Variants in GIGYF2 observed in about 807,000 individuals in gnomAD.
GIGYF2 encodes the protein GRB10 interacting GYF protein 2.
A neutral mutation model predicts 208.1 loss-of-function variants in GIGYF2; 25 were observed. The observed-to-expected ratio is 0.12, with a 90% CI of 0.09 to 0.17. The LOEUF (loss-of-function observed/expected upper bound fraction) is 0.17, where lower values mean the gene tolerates loss of function less well. Ranked by LOEUF, GIGYF2 falls within the 10% of genes least tolerant of loss-of-function variation. The pLI is 1.00. For missense variants in GIGYF2, 1,302 were observed against 1,579.4 expected, an observed-to-expected ratio of 0.82 and a Z score of 2.98; for synonymous variants, 534 against 543.8, an observed-to-expected ratio of 0.98 and a Z score of 0.25.
chr2:232,739,825 C>T (rs184230376), intron 3 of GIGYF2, among the ~76,000 whole-genome samples: 2,255 of 151,068 alleles, frequency 0.015, 25 homozygotes, highest in Middle Eastern at 0.038. Flanking sequence ...TTAGGCCGGG[C>T]GCGGTGGCAC....
At chr2:232,773,687 A>G (rs1031170488) in intron 8 of GIGYF2, among the ~76,000 whole-genome samples, 18 of 152,090 alleles carry the variant, frequency 1.2e-4, no homozygotes, top group African/African-American at 4.3e-4. Flanking sequence ...TAGCTAATAT[A>G]TATATTGTTT....
chr2:232,809,542 A>G (rs1700668071), intron 15 of GIGYF2, among the ~76,000 whole-genome samples, 178 bp from the exon 16 acceptor site: 1 of 152,134 alleles, frequency 6.6e-6, no homozygotes, highest in Non-Finnish European at 1.5e-5. Flanking sequence ...TTTCCACTAG[A>G]TGGTGTTGTT....
intron 8 of GIGYF2, among the ~76,000 whole-genome samples, chr2:232,785,665 A>G (rs902145915): frequency 6.6e-6 from 1 of 152,218 alleles, no homozygotes; most frequent in East Asian, 1.9e-4. Flanking sequence ...GAGGCTGTCC[A>G]CCACAATAAG....
chr2:232,782,688 A>C (rs1368921433), intron 8 of GIGYF2: 1 of 152,210 alleles, frequency 6.6e-6, no homozygotes, highest in African/African-American at 2.4e-5. Flanking sequence ...CAGCACATAC[A>C]CTAAAATTGG....
At chr2:232,754,329 TTC>T (rs1202644883) in intron 5 of GIGYF2, among the ~76,000 whole-genome samples, 2 of 152,152 alleles carry the variant, frequency 1.3e-5, no homozygotes, top group African/African-American at 4.8e-5. Flanking sequence ...TTAATGATCT[TTC>T]TGTTTATGTT....
chr2:232,772,530 A>G (rs1699309851), intron 8 of GIGYF2, among the ~76,000 whole-genome samples: 2 of 152,202 alleles, frequency 1.3e-5, no homozygotes, highest in Non-Finnish European at 2.9e-5. Context: ...TGCTGCAAAC[A>G]GTTTTCATCA....
At chr2:232,796,558 T>C (rs1700228822) in intron 14 of GIGYF2, among the ~76,000 whole-genome samples, 2 of 152,212 alleles carry the variant, frequency 1.3e-5, no homozygotes, top group African/African-American at 4.8e-5. Flanking sequence ...ATAGTCAACC[T>C]ATGTAAAAAT....
chr2:232,735,568 CTG>C (rs1449089679), intron 3 of GIGYF2: 4 of 328,648 alleles, frequency 1.2e-5, no homozygotes, highest in South Asian at 7.6e-5. Flanking sequence ...ATTTTTATGT[CTG>C]TATGTTTTCT....
intron 8 of GIGYF2, chr2:232,768,922 C>A: frequency 2.1e-6 from 2 of 945,830 alleles, no homozygotes; most frequent in Non-Finnish European, 3.1e-6. Context: ...GGTGCCATGC[C>A]TTTCAGTGAG....
chr2:232,704,162 C>T (rs925110887), intron 2 of GIGYF2, among the ~76,000 whole-genome samples: 1 of 152,048 alleles, frequency 6.6e-6, no homozygotes, highest in Non-Finnish European at 1.5e-5. Flanking sequence ...TGAAAGGTCC[C>T]ACTCCTAATG....
chr2:232,791,161 G>A lies in GIGYF2; in HGVS notation c.1084G>A (p.Val362Ile). 6.2e-7 allele frequency: 1 copy of A among 1,614,040 alleles called. No homozygotes were observed. The highest frequency in any genetic ancestry group is 8.5e-7 in the Non-Finnish European group (1 of 1,179,962). Reference sequence around the variant, plus strand: ...GAAAGAAGGAGAGAAAACAGATAGAGTAGGAGTTGGTAAGGCCTCTTCTTG... The same window carrying A: ...GAAAGAAGGAGAGAAAACAGATAGAATAGGAGTTGGTAAGGCCTCTTCTTG... The part of the protein sequence containing the change: ...NKKEGEKTDR[V>I]GVEASEETPQ... Residue 362 changes from valine (V) to isoleucine (I), a missense_variant, in exon 11 of 29, where the codon GTA (valine) becomes ATA (isoleucine). Transcript: ENST00000373563.
At chr2:232,755,530 T>C (rs916987003) in intron 5 of GIGYF2, among the ~76,000 whole-genome samples, 2 of 152,212 alleles carry the variant, frequency 1.3e-5, no homozygotes, top group African/African-American at 4.8e-5. Flanking sequence ...GCTACAGACA[T>C]ACCAAAGGTG....
At chr2:232,740,240 C>G (rs1161381092) in intron 3 of GIGYF2, among the ~76,000 whole-genome samples, 1 of 152,086 alleles carries the variant, frequency 6.6e-6, no homozygotes, top group South Asian at 2.1e-4. Flanking sequence ...GAGGATTGCT[C>G]GGGCCTAGGC....
At position 232,847,588 on chromosome 2, in the gene GIGYF2, T is replaced by C; in HGVS notation, c.3684+17T>C. ...CAACAGCAGGTATAAAGTAGTGTGG[T>C]GTATGCGGTACCTCTGAGGATTAAT... is the stretch of plus-strand genomic sequence containing the variant. On this transcript the variant is annotated intron_variant, in intron 27 of 28. Transcript: ENST00000373563. The C allele has an allele frequency of 6.2e-7, 1 of 1,612,072 alleles. No homozygotes were observed. Among genetic ancestry groups the C allele is most frequent in the Non-Finnish European group, 8.5e-7 (1 of 1,179,944 alleles).
At chr2:232,778,766 G>T (rs1042855747) in intron 8 of GIGYF2, among the ~76,000 whole-genome samples, 10 of 152,244 alleles carry the variant, frequency 6.6e-5, no homozygotes, top group African/African-American at 2.4e-4. Flanking sequence ...CTGGGGGAAG[G>T]TATTGACAAG....
At chr2:232,819,151 A>C (rs927780073) in intron 20 of GIGYF2, among the ~76,000 whole-genome samples, 5 of 152,096 alleles carry the variant, frequency 3.3e-5, no homozygotes, top group Admixed American at 3.3e-4. Context: ...TCTTTGAAAA[A>C]CAAAAAAGAT....
intron 2 of GIGYF2, among the ~76,000 whole-genome samples, chr2:232,712,851 A>G (rs1696489781): frequency 6.6e-6 from 1 of 152,226 alleles, no homozygotes; most frequent in Non-Finnish European, 1.5e-5. Flanking sequence ...AAATTGGAAT[A>G]AACATATCAC....
rs187838072 is a variant in GIGYF2, at chr2:232,750,274, A to C, written c.267+1192A>C. Among the ~76,000 whole-genome samples, 14 of 152,268 alleles carry C rather than the reference A, an allele frequency of 9.2e-5. No individual in the cohort carries two copies. In the South Asian group the frequency reaches 1.7e-3, roughly 18 times the overall value. ...AAAAATGCAGAAGTGTGATACACAGAGGAAAATGCACCTTGGACATGGCTG... is the reference window on the plus strand; with the variant it reads ...AAAAATGCAGAAGTGTGATACACAGCGGAAAATGCACCTTGGACATGGCTG... On this transcript the variant is annotated intron_variant, in intron 5 of 28. Coordinates refer to ENST00000373563, the MANE Select transcript of GIGYF2 (RefSeq NM_001103146.3).
chr2:232,760,377 C>T lies in GIGYF2; in HGVS notation c.380-103C>T. ...CGTTCAGTATTTAAATGTAGATGTC[C>T]TGCCTTGTATAGAGATAGAACTTTA... On this transcript the variant is annotated intron_variant, in intron 6 of 28. Coordinates refer to ENST00000373563, the MANE Select transcript of GIGYF2 (RefSeq NM_001103146.3). 3.8e-6 allele frequency: 3 copies of T among 779,724 alleles called. No individual in the cohort carries two copies. In the South Asian group the frequency reaches 4.4e-5, roughly 11 times the overall value. 48.3% of individuals were successfully genotyped at this position (779,724 alleles called of 1,614,324 possible).
Sources: allele counts gnomAD v4.1 joint callset (sites outside exome capture counted in the v4.1 genomes callset), GRCh38; gene constraint gnomAD v4.1.1; transcripts MANE v1.5; gene names NCBI Gene and HGNC (gene_info 2026-07-23, HGNC 2026-07-21).